The following GPM6A variants were observed in gnomAD, a reference collection of about 807,000 sequenced individuals.
The protein encoded by GPM6A is glycoprotein M6A.
In GPM6A, 7 loss-of-function variants were observed where a neutral mutation model predicts 32.1. The observed-to-expected ratio is 0.22, with a 90% confidence interval of 0.12 to 0.41. The LOEUF is 0.41. Ranked by LOEUF, GPM6A falls within the 10% of genes least tolerant of loss-of-function variation. The pLI, the probability that GPM6A is intolerant of heterozygous loss-of-function variation, is 1.00. For missense variants in GPM6A, 235 were observed against 347.2 expected (o/e 0.68, Z 2.57); for synonymous variants, 130 against 123.4 (o/e 1.05, Z -0.35).
At chr4:175,817,317 T>C (rs984272520) in intron 1 of GPM6A, among the ~76,000 whole-genome samples, 1 of 152,214 alleles carries the variant, frequency 6.6e-6, no homozygotes, top group Admixed American at 6.5e-5. Context: ...CCCCATTTCC[T>C]TTCATTCTGA....
intron 1 of GPM6A, among the ~76,000 whole-genome samples, chr4:175,911,371 G>A (rs1738310542): frequency 6.6e-6 from 1 of 152,078 alleles, no homozygotes; most frequent in Non-Finnish European, 1.5e-5. Flanking sequence ...TTGGCAAGAG[G>A]TTTTTCATCC....
chr4:175,696,200 A>G (rs1458330902), intron 2 of GPM6A, among the ~76,000 whole-genome samples: 1 of 152,168 alleles, frequency 6.6e-6, no homozygotes, highest in Non-Finnish European at 1.5e-5. Flanking sequence ...CTAATTATCA[A>G]CTAATTTTAT....
intron 1 of GPM6A, among the ~76,000 whole-genome samples, chr4:175,952,007 C>T (rs1739831508): frequency 6.6e-6 from 1 of 152,258 alleles, no homozygotes; most frequent in Non-Finnish European, 1.5e-5. Context: ...GACTCACCAG[C>T]CTCCATAATC....
intron 1 of GPM6A, among the ~76,000 whole-genome samples, chr4:175,946,677 G>A (rs1354283129): frequency 6.6e-6 from 1 of 152,142 alleles, no homozygotes; most frequent in African/African-American, 2.4e-5. Context: ...GAGGGATAAA[G>A]ATGGCAGCAG....
intron 2 of GPM6A, among the ~76,000 whole-genome samples, chr4:175,690,935 C>T (rs1744262948): frequency 6.6e-6 from 1 of 152,178 alleles, no homozygotes; most frequent in Non-Finnish European, 1.5e-5. Context: ...TTTCTTCAAA[C>T]AATGTGGTGA....
intron 1 of GPM6A, among the ~76,000 whole-genome samples, chr4:175,749,450 G>A (rs73006349): frequency 0.07 from 10,709 of 152,146 alleles, 559 homozygotes; most frequent in East Asian, 0.27. Context: ...AAAATGCACT[G>A]TCTGCAAAGG....
intron 1 of GPM6A, among the ~76,000 whole-genome samples, chr4:175,941,831 G>A (rs944991160): frequency 1.3e-5 from 2 of 152,144 alleles, no homozygotes; most frequent in African/African-American, 4.8e-5. Flanking sequence ...TGTGAACAGT[G>A]CGGCAATAAA....
intron 3 of GPM6A, among the ~76,000 whole-genome samples, chr4:175,665,290 A>C (rs1452392841): frequency 6.6e-6 from 1 of 152,086 alleles, no homozygotes; most frequent in Non-Finnish European, 1.5e-5. Flanking sequence ...CTTCATGTAC[A>C]AGTCTCCCAT....
chr4:175,897,566 T>C (rs1345416747), intron 1 of GPM6A, among the ~76,000 whole-genome samples: 3 of 152,206 alleles, frequency 2.0e-5, no homozygotes, highest in Non-Finnish European at 4.4e-5. Context: ...TATTGCACAA[T>C]GTTTCTACTA....
chr4:175,807,292 G>A (rs1303046964), intron 1 of GPM6A: 1 of 152,150 alleles, frequency 6.6e-6, no homozygotes, highest in Admixed American at 6.5e-5. Flanking sequence ...AGAAAGACTG[G>A]TGTCAAAGTT....
chr4:175,912,270 T>G (rs1262688788), intron 1 of GPM6A, among the ~76,000 whole-genome samples: 1 of 152,190 alleles, frequency 6.6e-6, no homozygotes, highest in Non-Finnish European at 1.5e-5. Context: ...ATATTTGTAT[T>G]CAATATACAA....
chr4:175,906,543 A>T (rs1738136704), intron 1 of GPM6A: 1 of 152,152 alleles, frequency 6.6e-6, no homozygotes, highest in Non-Finnish European at 1.5e-5. Flanking sequence ...CCATGGTGAT[A>T]TTCAGACACA....
At chr4:175,988,927 T>C (rs540290607) in intron 1 of GPM6A, among the ~76,000 whole-genome samples, 10 of 152,212 alleles carry the variant, frequency 6.6e-5, no homozygotes, top group African/African-American at 2.4e-4. Context: ...GATACAGCCA[T>C]TGGGACAGAA....
intron 1 of GPM6A, among the ~76,000 whole-genome samples, chr4:175,984,349 G>C (rs1740907864): frequency 6.6e-6 from 1 of 152,012 alleles, no homozygotes; most frequent in Non-Finnish European, 1.5e-5. Flanking sequence ...ATTTTTAGTA[G>C]AGACGAGGTT....
intron 1 of GPM6A, among the ~76,000 whole-genome samples, chr4:175,995,702 G>C (rs141738860): frequency 6.6e-6 from 1 of 152,196 alleles, no homozygotes; most frequent in Admixed American, 6.5e-5. Context: ...ATTTTAGCTA[G>C]GCAATAAAAT....
chr4:175,657,759 G>A (rs1742170776), intron 3 of GPM6A, among the ~76,000 whole-genome samples: 1 of 151,998 alleles, frequency 6.6e-6, no homozygotes, highest in Admixed American at 6.6e-5. Context: ...AATATCCCTG[G>A]CCTCTAACCA....
intron 1 of GPM6A, among the ~76,000 whole-genome samples, chr4:175,920,646 G>A (rs1324295171): frequency 6.6e-5 from 10 of 152,080 alleles, no homozygotes; most frequent in Non-Finnish European, 1.3e-4. Flanking sequence ...TCAGGAGTTC[G>A]AGACTAGCCT....
intron 1 of GPM6A, among the ~76,000 whole-genome samples, chr4:175,728,627 A>G (rs1257150303): frequency 1.3e-5 from 2 of 152,266 alleles, no homozygotes; most frequent in East Asian, 3.9e-4. Context: ...TTCCATGCTC[A>G]TAAAATTTCC....
chr4:175,783,471 G>A (rs969817894), intron 1 of GPM6A, among the ~76,000 whole-genome samples: 6 of 151,848 alleles, frequency 4.0e-5, no homozygotes, highest in Non-Finnish European at 7.4e-5. Context: ...TATGAAAGGA[G>A]CTTAACATAC....
Sources: gnomAD v4.1 joint callset for allele counts (sites outside exome capture counted in the v4.1 genomes callset) on GRCh38, gnomAD v4.1.1 for gene constraint, MANE v1.5 for transcripts, NCBI Gene and HGNC (gene_info 2026-07-23, HGNC 2026-07-21) for gene names.